Variants in KCNG2 observed in about 807,000 individuals in gnomAD.
KCNG2 encodes the protein voltage-gated potassium channel regulatory subunit KCNG2.
Under a neutral mutation model 12.3 loss-of-function variants are expected in KCNG2, and 7 were observed. The observed-to-expected ratio is 0.57, with a 90% confidence interval of 0.32 to 1.07. KCNG2 has a LOEUF of 1.07. KCNG2 is among the 50% of genes least tolerant of loss of function. KCNG2 has a pLI of 0.04. For synonymous variants in KCNG2, 414 were observed against 351.4 expected (o/e 1.18, Z -1.99); for missense variants, 703 against 726.0 (o/e 0.97, Z 0.36).
chr18:79,811,871 G>A (rs777720235), intron 1 of KCNG2, among the ~76,000 whole-genome samples: 3 of 152,150 alleles, frequency 2.0e-5, no homozygotes, highest in Non-Finnish European at 4.4e-5. Context: ...GGGAGATCAC[G>A]CTGGATGGAA....
intron 1 of KCNG2, among the ~76,000 whole-genome samples, chr18:79,829,892 G>T (rs973132309): frequency 2.6e-5 from 4 of 152,214 alleles, no homozygotes; most frequent in Non-Finnish European, 4.4e-5. Context: ...AAGGCAGAGA[G>T]GAGATAAGAA....
In KCNG2 at chr18:79,882,251, C is replaced by CT. The variant is rs531889249; in HGVS notation, c.625-16788dup. ...TCCTGGCCTAGTTGGGGTCTCAGGC[C>CT]TGTAACCCTAACACTGAGAGGCCGA... On this transcript the variant is annotated intron_variant, in intron 3 of 3. Coordinates refer to ENST00000316249, the MANE Select transcript of KCNG2 (RefSeq NM_012283.2). 1.4e-3 allele frequency among the ~76,000 whole-genome samples: 208 copies of CT among 152,340 alleles called. 1 individual carries two copies. Among genetic ancestry groups the CT allele is most frequent in the African/African-American group, 4.8e-3 (198 of 41,586 alleles).
At position 79,835,586 on chromosome 18, in the gene KCNG2, G is replaced by C. The variant is rs187227877; in HGVS notation, c.-114-20793G>C. On this transcript the variant is annotated intron_variant, in intron 1 of 3. Transcript: ENST00000316249. The stretch of plus-strand genomic sequence containing the variant: ...GTAGACGGAGTAGACGTATAAAAGA[G>C]TCAGTGAACTGGAAGGTAGAATGGT... Among the ~76,000 whole-genome samples, 9 of 152,366 alleles carry C rather than the reference G, an allele frequency of 5.9e-5. No homozygotes were observed. The East Asian group carries it at 1.7e-3, about 29-fold the overall frequency.
intron 1 of KCNG2, among the ~76,000 whole-genome samples, chr18:79,805,228 G>A (rs1016600376): frequency 2.6e-5 from 4 of 152,232 alleles, no homozygotes. Context: ...GGAAAGCTGT[G>A]CCAGATGCAT....
chr18:79,851,165 T>C (rs1306270677), intron 1 of KCNG2, among the ~76,000 whole-genome samples: 3 of 152,118 alleles, frequency 2.0e-5, no homozygotes, highest in South Asian at 2.1e-4. Flanking sequence ...CTTGTTTATA[T>C]ACAAGACAAA....
intron 3 of KCNG2, among the ~76,000 whole-genome samples, chr18:79,865,787 GGTGCTGAGAGGTCTGT>G (rs1475792150): frequency 1.0e-4 from 10 of 100,418 alleles, no homozygotes; most frequent in Admixed American, 7.4e-4. Flanking sequence ...GAGAAGTCTG[GGTGCTGAGAGGTCTGT>G]GTGCTGAGAG....
chr18:79,893,414 A>C (rs1599439015), intron 3 of KCNG2, among the ~76,000 whole-genome samples: 1 of 149,858 alleles, frequency 6.7e-6, no homozygotes, highest in African/African-American at 2.5e-5. Flanking sequence ...CAATTCATAT[A>C]GTTGGGTCTG....
intron 3 of KCNG2, among the ~76,000 whole-genome samples, chr18:79,878,838 G>T (rs12963098): frequency 0.47 from 71,765 of 152,186 alleles, 17,973 homozygotes; most frequent in East Asian, 0.79. Context: ...GATGGTGGCC[G>T]TGGCTGTGGA....
chr18:79,861,530 C>G (rs527773396), intron 2 of KCNG2, among the ~76,000 whole-genome samples: 1 of 152,136 alleles, frequency 6.6e-6, no homozygotes, highest in African/African-American at 2.4e-5. Flanking sequence ...CCACCTGCCT[C>G]GGCCTCCCAA....
intron 1 of KCNG2, among the ~76,000 whole-genome samples, chr18:79,854,136 G>T (rs72980058): frequency 6.6e-6 from 1 of 152,246 alleles, no homozygotes; most frequent in Admixed American, 6.5e-5. Context: ...AGGACTGGCC[G>T]CGGAGGGAAG....
At chr18:79,823,944 C>G (rs1265818915) in intron 1 of KCNG2, among the ~76,000 whole-genome samples, 6 of 152,204 alleles carry the variant, frequency 3.9e-5, no homozygotes. Flanking sequence ...AGTACACATT[C>G]CTTGTGAAAT....
intron 1 of KCNG2, among the ~76,000 whole-genome samples, chr18:79,820,129 G>C (rs2123004374): frequency 6.6e-6 from 1 of 152,320 alleles, no homozygotes; most frequent in Middle Eastern, 3.4e-3. Context: ...CCCTCTGTTG[G>C]CGACACGTGG....
chr18:79,852,774 A>G (rs1978871155), intron 1 of KCNG2, among the ~76,000 whole-genome samples: 1 of 152,248 alleles, frequency 6.6e-6, no homozygotes, highest in Non-Finnish European at 1.5e-5. Context: ...AGCCGTAATT[A>G]AAGTCCAGGC....
chr18:79,854,717 A>G (rs976810702), intron 1 of KCNG2, among the ~76,000 whole-genome samples: 12 of 152,030 alleles, frequency 7.9e-5, no homozygotes, highest in African/African-American at 2.7e-4. Flanking sequence ...AGTAGAGACG[A>G]GGTTTCACCG....
intron 1 of KCNG2, among the ~76,000 whole-genome samples, chr18:79,852,972 C>T (rs1978877982): frequency 6.6e-6 from 1 of 152,250 alleles, no homozygotes; most frequent in Non-Finnish European, 1.5e-5. Context: ...CCACCCACTC[C>T]CACCGTGGGG....
chr18:79,888,042 C>G (rs998770649), intron 3 of KCNG2, among the ~76,000 whole-genome samples: 1 of 152,216 alleles, frequency 6.6e-6, no homozygotes, highest in Admixed American at 6.5e-5. Context: ...TAAAACGGTT[C>G]AGATGGTGTC....
intron 3 of KCNG2, among the ~76,000 whole-genome samples, chr18:79,868,025 G>A (rs1002504373): frequency 7.9e-5 from 12 of 152,312 alleles, no homozygotes; most frequent in South Asian, 6.2e-4. Flanking sequence ...TTCCCCCGTC[G>A]TCCCCATGAG....
Position 79,899,083 on chromosome 18 carries a change from C to T in KCNG2, c.668C>T (p.Thr223Ile). ...TGCCGCAGCCTGTTCGTGCTGGAGA[C>T]CGTGTGCGTGGCCTGGTTCTCCTTC... ...PKCRSLFVLE[T>I]VCVAWFSFEF... The change falls in exon 4 of 4, where the codon ACC (threonine) becomes ATC (isoleucine). Residue 223 changes from threonine (T) to isoleucine (I), a missense_variant. Thr to Ile is a moderately conservative substitution (Grantham distance 89, BLOSUM62 -1). Transcript: ENST00000316249. 6.3e-7 allele frequency: 1 copy of T among 1,597,772 alleles called. No homozygotes were observed. The highest frequency in any genetic ancestry group is 8.5e-7 in the Non-Finnish European group (1 of 1,175,436).
chr18:79,864,138 G>T lies in KCNG2; in HGVS notation c.471G>T (p.Gln157His). 1 of 1,355,412 alleles carries T rather than the reference G, an allele frequency of 7.4e-7. No homozygotes were observed. Among genetic ancestry groups the T allele is most frequent in the Non-Finnish European group, 9.5e-7 (1 of 1,055,046 alleles). 84.0% of individuals were successfully genotyped at this position (1,355,412 alleles called of 1,614,324 possible). ...CCCTGGGACCTCGGGGGCGGCTGCA[G>T]CGCGGCCGGCGGCGCCTGCGCGACG... ...ARALGPRGRL[Q>H]RGRRRLRDVV... The change falls in exon 3 of 4, where the codon CAG (glutamine) becomes CAT (histidine). Residue 157 changes from glutamine to histidine, a missense_variant. Coordinates refer to ENST00000316249, the MANE Select transcript of KCNG2 (RefSeq NM_012283.2).
Sources: allele counts gnomAD v4.1 joint callset (sites outside exome capture counted in the v4.1 genomes callset), GRCh38; gene constraint gnomAD v4.1.1; transcripts MANE v1.5; gene names NCBI Gene and HGNC (gene_info 2026-07-23, HGNC 2026-07-21).